Variants in RGS6 observed in about 807,000 individuals in gnomAD.
RGS6 encodes regulator of G protein signaling 6.
Under a neutral mutation model 78.5 loss-of-function variants are expected in RGS6, and 30 were observed. That is an observed-to-expected ratio of 0.38 (90% CI 0.29 to 0.52). The LOEUF is 0.52. Among genes scored for constraint, RGS6 ranks in the 20% least tolerant of loss-of-function variants. RGS6 has a pLI of 0.85. For synonymous variants in RGS6, 206 were observed against 206.0 expected (o/e 1.00, Z 0.00); for missense variants, 495 against 609.7 (o/e 0.81, Z 1.98).
chr14:72,307,681 A>G (rs1328185022), intron 2 of RGS6, among the ~76,000 whole-genome samples: 1 of 152,126 alleles, frequency 6.6e-6, no homozygotes, highest in Non-Finnish European at 1.5e-5. Flanking sequence ...TATTATGTAT[A>G]TTTGTCTTTT....
intron 2 of RGS6, among the ~76,000 whole-genome samples, chr14:72,006,459 C>G (rs778346284): frequency 6.6e-6 from 1 of 152,150 alleles, no homozygotes; most frequent in Non-Finnish European, 1.5e-5. Flanking sequence ...TTCTCTTGGC[C>G]CACTAACCTA....
intron 2 of RGS6, among the ~76,000 whole-genome samples, chr14:71,986,381 C>A (rs766994117): frequency 6.6e-6 from 1 of 152,166 alleles, no homozygotes; most frequent in Non-Finnish European, 1.5e-5. Flanking sequence ...TTTCCTATTG[C>A]TGCCATAACA....
chr14:72,223,666 A>C (rs919469403), intron 2 of RGS6, among the ~76,000 whole-genome samples: 2 of 152,256 alleles, frequency 1.3e-5, no homozygotes, highest in African/African-American at 4.8e-5. Context: ...AGGTCAGATG[A>C]GTCTTATTCC....
At chr14:72,294,900 A>G (rs2064403200) in intron 2 of RGS6, among the ~76,000 whole-genome samples, 1 of 152,198 alleles carries the variant, frequency 6.6e-6, no homozygotes, top group Non-Finnish European at 1.5e-5. Flanking sequence ...GGGGACACAT[A>G]TCCAAACCAT....
At chr14:72,060,493 C>T (rs749936957) in intron 2 of RGS6, among the ~76,000 whole-genome samples, 9 of 151,298 alleles carry the variant, frequency 5.9e-5, no homozygotes, top group East Asian at 3.9e-4. Flanking sequence ...CTTAGTCTAC[C>T]GTATACAAAT....
At chr14:72,495,314 T>C in intron 13 of RGS6, 52 bp downstream of exon 13, 1 of 1,059,084 alleles carries the variant, frequency 9.4e-7, no homozygotes, top group Non-Finnish European at 1.5e-6. Context: ...CAAAAATCCA[T>C]GAGATCATGA....
chr14:72,497,634 G>T (rs2096662540), intron 13 of RGS6, among the ~76,000 whole-genome samples: 2 of 151,998 alleles, frequency 1.3e-5, no homozygotes, highest in Admixed American at 1.3e-4. Context: ...AGTTACCTTT[G>T]CCTCCCTTAA....
intron 1 of RGS6, among the ~76,000 whole-genome samples, chr14:71,936,015 GATATATATATATATAT>G (rs55686505): frequency 2.4e-4 from 15 of 63,786 alleles, no homozygotes; most frequent in Non-Finnish European, 4.4e-4. Flanking sequence ...GAACTAATAG[GATATATATATATATAT>G]ATATATATAT....
At chr14:72,059,184 G>A (rs573650473) in intron 2 of RGS6, among the ~76,000 whole-genome samples, 2 of 152,346 alleles carry the variant, frequency 1.3e-5, no homozygotes, top group East Asian at 1.9e-4. Flanking sequence ...ACAGGCGTGA[G>A]CCACCGCGCC....
intron 2 of RGS6, among the ~76,000 whole-genome samples, chr14:72,081,771 C>G (rs776513803): frequency 6.6e-5 from 10 of 152,070 alleles, no homozygotes; most frequent in Non-Finnish European, 1.0e-4. Flanking sequence ...TCAGCAAAAA[C>G]TTCAAACTGA....
chr14:72,548,600 G>A (rs2097447780), intron 17 of RGS6, among the ~76,000 whole-genome samples: 1 of 152,086 alleles, frequency 6.6e-6, no homozygotes, highest in Admixed American at 6.6e-5. Flanking sequence ...TTGGTTCTAA[G>A]CCCCCACATT....
intron 2 of RGS6, among the ~76,000 whole-genome samples, chr14:72,066,766 AT>A (rs2094168704): frequency 6.6e-6 from 1 of 151,802 alleles, no homozygotes; most frequent in South Asian, 2.1e-4. Flanking sequence ...CTGAATAATT[AT>A]ATATTTTTTC....
chr14:72,448,935 A>G (rs1199243028), intron 3 of RGS6, among the ~76,000 whole-genome samples: 1 of 152,172 alleles, frequency 6.6e-6, no homozygotes, highest in East Asian at 1.9e-4. Flanking sequence ...ATTGGACACA[A>G]TTATTGTCAA....
chr14:72,415,398 A>G (rs988100792), intron 3 of RGS6, among the ~76,000 whole-genome samples: 2 of 152,242 alleles, frequency 1.3e-5, no homozygotes, highest in Admixed American at 6.5e-5. Context: ...AAAGGGCAGT[A>G]TTAGGGTGGA....
At chr14:72,359,576 A>G (rs998635255) in intron 3 of RGS6, among the ~76,000 whole-genome samples, 2 of 152,204 alleles carry the variant, frequency 1.3e-5, no homozygotes, top group African/African-American at 4.8e-5. Flanking sequence ...CCATAGGAAT[A>G]ATGAGGTCAC....
intron 17 of RGS6, 34 bp downstream of exon 17, chr14:72,540,128 C>CTTTTGG (rs1183905322): frequency 1.3e-6 from 2 of 1,543,090 alleles, no homozygotes; most frequent in Admixed American, 2.0e-5. Context: ...CTCAGCTTTT[C>CTTTTGG]TTTTGGTTTT....
At chr14:72,560,020 T>G (rs1447715457) in intron 17 of RGS6, among the ~76,000 whole-genome samples, 1 of 152,118 alleles carries the variant, frequency 6.6e-6, no homozygotes, top group Non-Finnish European at 1.5e-5. Context: ...GCAGTGAAGG[T>G]TTGGGCAACT....
At chr14:71,940,038 A>T (rs1162736594) in intron 1 of RGS6, among the ~76,000 whole-genome samples, 1 of 152,196 alleles carries the variant, frequency 6.6e-6, no homozygotes, top group Non-Finnish European at 1.5e-5. Flanking sequence ...TGACCACAGG[A>T]TAAGTCCAGG....
At chr14:72,611,424 T>C in the RGS6 span, among the ~76,000 whole-genome samples, 1 of 152,232 alleles carries the variant, frequency 6.6e-6, no homozygotes, top group African/African-American at 2.4e-5. Context: ...GTTTCATCCC[T>C]GCACACACCA....
Sources: allele counts gnomAD v4.1 joint callset (sites outside exome capture counted in the v4.1 genomes callset), GRCh38; gene constraint gnomAD v4.1.1; transcripts MANE v1.5; gene names NCBI Gene and HGNC (gene_info 2026-07-23, HGNC 2026-07-21).